Variants in FUT8 observed in about 807,000 individuals in gnomAD.
The protein encoded by FUT8 is fucosyltransferase 8, also known as alpha-(1,6)-fucosyltransferase.
Under a neutral mutation model 71.3 loss-of-function variants are expected in FUT8, and 29 were observed. The ratio of observed to expected loss-of-function variants is 0.41; its 90% CI spans 0.30 to 0.55. The LOEUF (loss-of-function observed/expected upper bound fraction) is 0.55, where lower values mean the gene tolerates loss of function less well. FUT8 is among the 20% of genes least tolerant of loss of function. The pLI, the probability that FUT8 is intolerant of heterozygous loss-of-function variation, is 0.34. For missense variants in FUT8, 544 were observed against 702.1 expected, an observed-to-expected ratio of 0.77 and a Z score of 2.55; for synonymous variants, 254 against 239.3, an observed-to-expected ratio of 1.06 and a Z score of -0.57.
chr14:65,496,080 T>G (rs2066554030), intron 2 of FUT8, among the ~76,000 whole-genome samples: 1 of 152,134 alleles, frequency 6.6e-6, no homozygotes, highest in Non-Finnish European at 1.5e-5. Context: ...TAAATACTAA[T>G]TATGTTTATA....
intron 2 of FUT8, among the ~76,000 whole-genome samples, chr14:65,555,087 G>C (rs1002502778): frequency 6.6e-6 from 1 of 152,048 alleles, no homozygotes; most frequent in Non-Finnish European, 1.5e-5. Context: ...TAGCTCATGA[G>C]CTAAGAATGG....
At chr14:65,410,750 A>G (rs1319855595), upstream of FUT8, 1 of 151,988 alleles carries the variant, frequency 6.6e-6, no homozygotes, top group Non-Finnish European at 1.5e-5. Flanking sequence ...ATGATTATTA[A>G]CCAACTAGAA....
the FUT8 span, among the ~76,000 whole-genome samples, chr14:65,365,471 C>T: frequency 6.6e-6 from 1 of 152,066 alleles, no homozygotes; most frequent in Non-Finnish European, 1.5e-5. Context: ...ACCTACTGGG[C>T]TGCCTTCCCA....
At chr14:65,488,183 A>G (rs920112334) in intron 2 of FUT8, 11 of 152,212 alleles carry the variant, frequency 7.2e-5, no homozygotes, top group Non-Finnish European at 1.5e-4. Flanking sequence ...GTAATATATG[A>G]TAATGAAAAG....
At chr14:65,604,319 G>A (rs949837436) in intron 3 of FUT8, among the ~76,000 whole-genome samples, 2 of 151,720 alleles carry the variant, frequency 1.3e-5, no homozygotes, top group African/African-American at 4.8e-5. Context: ...ATCAGCGCAT[G>A]GAACTTTCTC....
intron 2 of FUT8, among the ~76,000 whole-genome samples, chr14:65,466,323 T>A (rs928018479): frequency 1.3e-5 from 2 of 152,264 alleles, no homozygotes; most frequent in Admixed American, 1.3e-4. Flanking sequence ...TATTTATAAC[T>A]GTTTTCTACT....
the FUT8 span, among the ~76,000 whole-genome samples, chr14:65,403,026 T>C: frequency 6.6e-6 from 1 of 152,232 alleles, no homozygotes; most frequent in Non-Finnish European, 1.5e-5. Flanking sequence ...ATCTTGTCAA[T>C]CACTTCTTTC....
upstream of FUT8, chr14:65,412,220 TG>T (rs958096753): frequency 1.1e-5 from 5 of 456,564 alleles, no homozygotes; most frequent in African/African-American, 8.0e-5. Context: ...GCGATGCCAT[TG>T]TAGGATCGCG....
chr14:65,471,356 TTTCTG>T (rs1165265366), intron 2 of FUT8, among the ~76,000 whole-genome samples: 1 of 151,918 alleles, frequency 6.6e-6, no homozygotes, highest in Non-Finnish European at 1.5e-5. Flanking sequence ...ATAGTTTCCT[TTTCTG>T]GAATACCTTT....
chr14:65,557,115 T>A (rs1489157771), intron 2 of FUT8, among the ~76,000 whole-genome samples: 1 of 152,174 alleles, frequency 6.6e-6, no homozygotes, highest in East Asian at 1.9e-4. Flanking sequence ...GCAACTCTAT[T>A]AAGTCTCCTT....
intron 2 of FUT8, among the ~76,000 whole-genome samples, chr14:65,456,887 A>AAT (rs2065901065): frequency 6.7e-6 from 1 of 150,034 alleles, no homozygotes; most frequent in African/African-American, 2.5e-5. Context: ...AAAAAAAAAA[A>AAT]TTTTTTTTTG....
At chr14:65,632,527 G>A (rs1473723830) in intron 6 of FUT8, among the ~76,000 whole-genome samples, 1 of 152,092 alleles carries the variant, frequency 6.6e-6, no homozygotes, top group Non-Finnish European at 1.5e-5. Flanking sequence ...ATCGTCTTTT[G>A]AGAATTGTCT....
chr14:65,695,448 T>C (rs1456412167), intron 7 of FUT8, among the ~76,000 whole-genome samples: 2 of 152,172 alleles, frequency 1.3e-5, no homozygotes, highest in African/African-American at 4.8e-5. Flanking sequence ...TTTTTGTTCA[T>C]TTTTTTAAAA....
At chr14:65,524,559 C>G (rs1472649368) in intron 2 of FUT8, among the ~76,000 whole-genome samples, 1 of 152,130 alleles carries the variant, frequency 6.6e-6, no homozygotes, top group Non-Finnish European at 1.5e-5. Context: ...ATTGAATGCC[C>G]TTTATTTCTT....
intron 2 of FUT8, among the ~76,000 whole-genome samples, chr14:65,504,537 A>C (rs1264216883): frequency 6.6e-6 from 1 of 152,168 alleles, no homozygotes; most frequent in Non-Finnish European, 1.5e-5. Flanking sequence ...AGGGGAAGGA[A>C]GATAAGACTT....
chr14:65,691,385 G>A (rs189582799), intron 7 of FUT8, among the ~76,000 whole-genome samples: 1 of 151,256 alleles, frequency 6.6e-6, no homozygotes, highest in African/African-American at 2.5e-5. Context: ...TTTGCTAGCT[G>A]TAGGCTGTTT....
At chr14:65,728,880 A>G (rs1247059773) in intron 9 of FUT8, among the ~76,000 whole-genome samples, 1 of 152,170 alleles carries the variant, frequency 6.6e-6, no homozygotes, top group African/African-American at 2.4e-5. Flanking sequence ...TTGCATGATG[A>G]TAACATGCCT....
At chr14:65,588,606 G>T (rs1887516401) in intron 3 of FUT8, among the ~76,000 whole-genome samples, 1 of 152,092 alleles carries the variant, frequency 6.6e-6, no homozygotes, top group Non-Finnish European at 1.5e-5. Flanking sequence ...AAAATGAGTT[G>T]TGACTCTTAG....
chr14:65,509,905 A>G (rs1296914383), intron 2 of FUT8, among the ~76,000 whole-genome samples: 1 of 152,076 alleles, frequency 6.6e-6, no homozygotes, highest in African/African-American at 2.4e-5. Context: ...CTTCTCCTTT[A>G]CAATTCGGAT....
Sources: allele counts gnomAD v4.1 joint callset (sites outside exome capture counted in the v4.1 genomes callset), GRCh38; gene constraint gnomAD v4.1.1; transcripts MANE v1.5; gene names NCBI Gene and HGNC (gene_info 2026-07-23, HGNC 2026-07-21).